The following ADGB variants were observed in gnomAD, a reference collection of about 807,000 sequenced individuals.
ADGB encodes calpain-7-like protein.
ADGB carries 172 observed loss-of-function variants against 210.5 expected under a neutral mutation model. The ratio of observed to expected loss-of-function variants is 0.82; its 90% CI spans 0.72 to 0.93. The LOEUF is 0.93. Ranked by LOEUF, ADGB falls within the 40% of genes least tolerant of loss-of-function variation. The pLI is 0.00. For missense variants in ADGB, 2,025 were observed against 1,964.8 expected, an observed-to-expected ratio of 1.03 and a Z score of -0.58; for synonymous variants, 658 against 662.7, an observed-to-expected ratio of 0.99 and a Z score of 0.11.
At chr6:146,793,446 G>T (rs1173975528) in intron 33 of ADGB, among the ~76,000 whole-genome samples, 2 of 152,164 alleles carry the variant, frequency 1.3e-5, no homozygotes, top group African/African-American at 4.8e-5. Context: ...TGGGGGCAAA[G>T]AAGGGGCCCT....
At chr6:146,765,117 A>G (rs1055085547) in intron 28 of ADGB, among the ~76,000 whole-genome samples, 11 of 152,060 alleles carry the variant, frequency 7.2e-5, no homozygotes, top group African/African-American at 2.7e-4. Flanking sequence ...GTTTTAATAC[A>G]TATAGAAACA....
intron 2 of ADGB, among the ~76,000 whole-genome samples, chr6:146,643,943 T>C (rs919976243): frequency 3.3e-5 from 5 of 151,844 alleles, no homozygotes; most frequent in African/African-American, 9.7e-5. Context: ...ATGGTGGGAT[T>C]TCATCTATGT....
rs114667381 is a variant in ADGB, at chr6:146,786,004, C to T, written c.4315+292C>T. ...AATGATAAAACCAGAAAGAATGATG[C>T]AACCTAGTTAGAAAGTAGCAGTATA... On this transcript the variant is annotated intron_variant, in intron 32 of 35. Coordinates refer to ENST00000397944, the MANE Select transcript of ADGB (RefSeq NM_024694.4). Among the ~76,000 whole-genome samples the T allele has an allele frequency of 6.8e-3, 1,025 of 151,756 alleles. 9 individuals carry two copies. Among genetic ancestry groups the T allele is most frequent in the African/African-American group, 0.023 (948 of 41,388 alleles).
chr6:146,701,657 AT>A (rs1384919813), intron 13 of ADGB, among the ~76,000 whole-genome samples: 1 of 151,670 alleles, frequency 6.6e-6, no homozygotes, highest in Non-Finnish European at 1.5e-5. Flanking sequence ...CCCCTTAACA[AT>A]TTTTTAAAAC....
intron 13 of ADGB, among the ~76,000 whole-genome samples, chr6:146,713,213 A>G (rs1776683601): frequency 6.6e-6 from 1 of 152,204 alleles, no homozygotes; most frequent in South Asian, 2.1e-4. Context: ...TAACGCTGCT[A>G]TGAATTTGGG....
chr6:146,606,952 G>A (rs1201310321), intron 1 of ADGB, among the ~76,000 whole-genome samples: 1 of 151,980 alleles, frequency 6.6e-6, no homozygotes, highest in African/African-American at 2.4e-5. Flanking sequence ...CATTGGTATT[G>A]ATAGGAATAG....
chr6:146,768,732 T>C (rs1777611507), intron 28 of ADGB, among the ~76,000 whole-genome samples: 1 of 152,182 alleles, frequency 6.6e-6, no homozygotes, highest in African/African-American at 2.4e-5. Flanking sequence ...TTTATAGTAA[T>C]CTTAAAAATG....
intron 25 of ADGB, among the ~76,000 whole-genome samples, chr6:146,745,434 G>A (rs1777214203): frequency 6.6e-6 from 1 of 152,146 alleles, no homozygotes; most frequent in Non-Finnish European, 1.5e-5. Context: ...ACACATCTGG[G>A]TTCTGTGGAA....
chr6:146,754,602 G>C (rs934610749), intron 27 of ADGB, among the ~76,000 whole-genome samples: 1 of 151,636 alleles, frequency 6.6e-6, no homozygotes, highest in Non-Finnish European at 1.5e-5. Flanking sequence ...TGTTAGCCAT[G>C]GGCTATGATT....
intron 5 of ADGB, among the ~76,000 whole-genome samples, chr6:146,659,464 T>G (rs1458321890): frequency 6.6e-6 from 1 of 152,198 alleles, no homozygotes; most frequent in Admixed American, 6.5e-5. Flanking sequence ...CTCTGCCTTA[T>G]CACAAATATT....
intron 1 of ADGB, among the ~76,000 whole-genome samples, chr6:146,627,215 TGTTA>T (rs1374766424): frequency 9.2e-5 from 14 of 152,184 alleles, no homozygotes; most frequent in African/African-American, 2.7e-4. Context: ...TTAGTATGAT[TGTTA>T]GTTAATTCTA....
intron 34 of ADGB, among the ~76,000 whole-genome samples, chr6:146,801,482 T>C (rs78619650): frequency 0.048 from 7,384 of 152,258 alleles, 626 homozygotes; most frequent in African/African-American, 0.17. Context: ...ATATTAAGCA[T>C]ATTTATAAGT....
chr6:146,625,017 G>A (rs1466590857), intron 1 of ADGB, among the ~76,000 whole-genome samples: 2 of 151,912 alleles, frequency 1.3e-5, no homozygotes, highest in Non-Finnish European at 2.9e-5. Context: ...TATGCTATGT[G>A]CACTTGAAAA....
intron 34 of ADGB, 120 bp from the exon 35 acceptor site, chr6:146,801,708 T>G (rs568366132): frequency 1.2e-6 from 1 of 808,522 alleles, no homozygotes; most frequent in African/African-American, 1.8e-5. Flanking sequence ...ATCCCTAATG[T>G]TTTATTTGAC....
rs1777159277 is a variant in ADGB, at chr6:146,741,185, A to G, written c.3091A>G (p.Ile1031Val). 6.4e-7 allele frequency: 1 copy of G among 1,550,888 alleles called. No homozygotes were observed. The highest frequency in any genetic ancestry group is 8.7e-7 in the Non-Finnish European group (1 of 1,146,588). Residue 1031 changes from isoleucine to valine, a missense_variant, in exon 25 of 36, where the codon ATC (isoleucine) becomes GTC (valine). Ile to Val is a conservative substitution (Grantham distance 29, BLOSUM62 3). Transcript: ENST00000397944. ...PKVYTTLPIC[I>V]LHIVNNDTME... ...AGTATATACTACACTTCCAATCTGT[A>G]TCCTACACATTGTTAATAATGACAC...
intron 20 of ADGB, among the ~76,000 whole-genome samples, chr6:146,731,625 C>T (rs1177055560): frequency 6.6e-6 from 1 of 152,128 alleles, no homozygotes; most frequent in Non-Finnish European, 1.5e-5. Context: ...CTAAATTCTC[C>T]CTGCTCCCTC....
At chr6:146,665,420 C>T (rs1775925509) in intron 6 of ADGB, among the ~76,000 whole-genome samples, 1 of 152,040 alleles carries the variant, frequency 6.6e-6, no homozygotes. Flanking sequence ...TTCATAAAAA[C>T]TCAGCCCAGA....
intron 33 of ADGB, among the ~76,000 whole-genome samples, chr6:146,792,248 C>T (rs1777964996): frequency 6.6e-6 from 1 of 152,154 alleles, no homozygotes; most frequent in South Asian, 2.1e-4. Context: ...TTTTTGTCTA[C>T]TTCTCTGAAG....
At chr6:146,811,720 G>A (rs1353487698) in intron 35 of ADGB, among the ~76,000 whole-genome samples, 2 of 152,106 alleles carry the variant, frequency 1.3e-5, no homozygotes, top group Non-Finnish European at 1.5e-5. Context: ...CTCCCAGGCT[G>A]GAGTGCAATG....
Sources: allele counts gnomAD v4.1 joint callset (sites outside exome capture counted in the v4.1 genomes callset), GRCh38; gene constraint gnomAD v4.1.1; transcripts MANE v1.5; gene names NCBI Gene and HGNC (gene_info 2026-07-23, HGNC 2026-07-21).